KAZN: variants seen among roughly 807,000 people sequenced by gnomAD.
KAZN encodes the protein kazrin.
A neutral mutation model predicts 87.4 loss-of-function variants in KAZN; 40 were observed. The observed-to-expected ratio is 0.46, with a 90% CI of 0.36 to 0.60. The LOEUF is 0.60. KAZN is among the 20% of genes least tolerant of loss of function. KAZN has a pLI of 0.00. For synonymous variants in KAZN, 466 were observed against 458.3 expected (o/e 1.02, Z -0.22); for missense variants, 898 against 1,073.9 (o/e 0.84, Z 2.29).
rs12026571 is a variant in KAZN at position 14,113,799 on chromosome 1, A to C, written c.92-66636A>C. Among the ~76,000 whole-genome samples, 47 of 151,840 alleles carry C rather than the reference A, an allele frequency of 3.1e-4. 1 individual carries two copies. Among genetic ancestry groups the C allele is most frequent in the Admixed American group, 3.1e-3 (47 of 15,264 alleles). ...CTTGTCCTGTTCTATGAGGATTTACATGAAGACTCAATGACATTATTTATG... is the reference window on the plus strand; with the variant it reads ...CTTGTCCTGTTCTATGAGGATTTACCTGAAGACTCAATGACATTATTTATG... On this transcript the variant is annotated intron_variant, in intron 1 of 16. Coordinates refer to the KAZN transcript ENST00000636203.
At chr1:15,017,479 T>C (rs766280182) in intron 2 of KAZN, among the ~76,000 whole-genome samples, 41 of 152,244 alleles carry the variant, frequency 2.7e-4, no homozygotes, top group Admixed American at 1.1e-3. Context: ...GCAGATACTG[T>C]GGTCTTAGTT....
intron 2 of KAZN, among the ~76,000 whole-genome samples, chr1:14,571,033 G>A (rs1674832544): frequency 6.6e-6 from 1 of 152,048 alleles, no homozygotes; most frequent in African/African-American, 2.4e-5. Context: ...ATATAGGAAC[G>A]ACTTTTCCAT....
At chr1:14,396,398 T>C (rs559527243) in intron 2 of KAZN, among the ~76,000 whole-genome samples, 32 of 152,308 alleles carry the variant, frequency 2.1e-4, no homozygotes, top group African/African-American at 7.7e-4. Context: ...CTATGACCCG[T>C]GGCTTAGACA....
intron 1 of KAZN, among the ~76,000 whole-genome samples, chr1:14,000,884 G>T (rs1430590647): frequency 2.6e-5 from 4 of 151,374 alleles, no homozygotes; most frequent in Non-Finnish European, 4.4e-5. Flanking sequence ...CCGGGTTCAC[G>T]CCATTCTCCT....
intron 1 of KAZN, among the ~76,000 whole-genome samples, chr1:14,082,894 T>C (rs1472368309): frequency 6.6e-6 from 1 of 152,080 alleles, no homozygotes; most frequent in Non-Finnish European, 1.5e-5. Context: ...TCAAGAAATA[T>C]AATTAGAATC....
At chr1:14,681,617 A>ATG (rs1557885589) in intron 1 of KAZN, among the ~76,000 whole-genome samples, 1 of 6,836 alleles carries the variant, frequency 1.5e-4, no homozygotes, top group African/African-American at 5.0e-4. Context: ...ATATGTGTAT[A>ATG]TATATATATA....
intron 1 of KAZN, among the ~76,000 whole-genome samples, chr1:13,906,211 C>T (rs1439143278): frequency 6.6e-6 from 1 of 152,204 alleles, no homozygotes; most frequent in Non-Finnish European, 1.5e-5. Context: ...TTTCAGCCCA[C>T]TACAGTACAT....
intron 2 of KAZN, among the ~76,000 whole-genome samples, chr1:14,283,645 C>A (rs2100723557): frequency 6.6e-6 from 1 of 152,222 alleles, no homozygotes; most frequent in South Asian, 2.1e-4. Flanking sequence ...GGTGGGAATG[C>A]AAAATGGTGC....
chr1:14,340,437 A>T (rs544269011), intron 2 of KAZN, among the ~76,000 whole-genome samples: 1 of 152,380 alleles, frequency 6.6e-6, no homozygotes, highest in Admixed American at 6.5e-5. Context: ...GACGTCACAG[A>T]CTTGGAAATC....
rs192545989 is a variant in KAZN, at chr1:14,883,557, C to G, written c.227-77127C>G. ...CCAAAGGGAGCATTATCTTCACACG[C>G]TCCTCCCATCCTCCATCATCCCTCA... On this transcript the variant is annotated intron_variant, in intron 1 of 14. Transcript: ENST00000376030. Among the ~76,000 whole-genome samples the G allele has an allele frequency of 2.3e-3, 346 of 148,694 alleles. 2 individuals carry two copies. Among genetic ancestry groups the G allele is most frequent in the Middle Eastern group, 0.01 (3 of 294 alleles).
At chr1:14,893,342 G>C (rs1055380274) in intron 1 of KAZN, among the ~76,000 whole-genome samples, 1 of 152,146 alleles carries the variant, frequency 6.6e-6, no homozygotes, top group African/African-American at 2.4e-5. Context: ...CTCCAGCCTG[G>C]GCAACAGAGC....
chr1:14,830,156 G>A lies in KAZN; in HGVS notation c.227-130528G>A, dbSNP rs145962034. On this transcript the variant is annotated intron_variant, in intron 1 of 14. Transcript: ENST00000376030. ...ACAGCTGGATCCAGGGGCTCAAGTCGTGTCATCATGAATCTGTCTCTCTTT... is the reference window on the plus strand; with the variant it reads ...ACAGCTGGATCCAGGGGCTCAAGTCATGTCATCATGAATCTGTCTCTCTTT... Among the ~76,000 whole-genome samples the A allele has an allele frequency of 4.6e-5, 7 of 152,304 alleles. No individual in the cohort carries two copies. The East Asian group carries it at 5.8e-4, about 13-fold the overall frequency.
chr1:14,204,891 A>G (rs181380827), intron 2 of KAZN, among the ~76,000 whole-genome samples: 21 of 152,362 alleles, frequency 1.4e-4, no homozygotes, highest in Admixed American at 3.9e-4. Context: ...GAAGTGTACT[A>G]GGGAATGCTA....
At chr1:14,882,829 T>C (rs1032537842) in intron 1 of KAZN, among the ~76,000 whole-genome samples, 1 of 152,124 alleles carries the variant, frequency 6.6e-6, no homozygotes. Context: ...AGTCTCATAA[T>C]AACCCCTGTA....
intron 2 of KAZN, among the ~76,000 whole-genome samples, chr1:15,000,509 T>TC (rs978132121): frequency 2.8e-4 from 42 of 151,818 alleles, no homozygotes; most frequent in African/African-American, 1.0e-3. Context: ...AGGAGGCACC[T>TC]CGGGGGGTAC....
chr1:14,850,478 C>T (rs1010039064), intron 1 of KAZN, among the ~76,000 whole-genome samples: 3 of 152,122 alleles, frequency 2.0e-5, no homozygotes, highest in Non-Finnish European at 4.4e-5. Flanking sequence ...ATTTTACAGA[C>T]GAGAAAACCA....
At chr1:14,147,417 C>T (rs925657245) in intron 1 of KAZN, among the ~76,000 whole-genome samples, 11 of 152,158 alleles carry the variant, frequency 7.2e-5, no homozygotes, top group Admixed American at 2.0e-4. Context: ...AGTGTTGTCT[C>T]CATTTTCTCA....
intron 2 of KAZN, among the ~76,000 whole-genome samples, chr1:14,282,840 A>G (rs1268497392): frequency 6.6e-6 from 1 of 152,196 alleles, no homozygotes. Flanking sequence ...TTTAGGGAAG[A>G]ATTCAGCCAG....
At chr1:14,512,415 T>G (rs989542846) in intron 2 of KAZN, among the ~76,000 whole-genome samples, 1 of 152,110 alleles carries the variant, frequency 6.6e-6, no homozygotes, top group South Asian at 2.1e-4. Flanking sequence ...CACCGCCCAC[T>G]GTGACAAACA....
Sources: gnomAD v4.1 joint callset for allele counts (sites outside exome capture counted in the v4.1 genomes callset) on GRCh38, gnomAD v4.1.1 for gene constraint, MANE v1.5 for transcripts, NCBI Gene and HGNC (gene_info 2026-07-23, HGNC 2026-07-21) for gene names.